Variants in SLC38A4 observed in about 807,000 individuals in gnomAD.
SLC38A4 encodes the protein sodium-coupled neutral amino acid transporter 4.
SLC38A4 carries 20 observed loss-of-function variants against 63.1 expected under a neutral mutation model. That is an observed-to-expected ratio of 0.32 (90% CI 0.22 to 0.46). The LOEUF (loss-of-function observed/expected upper bound fraction) is 0.46, where lower values mean the gene tolerates loss of function less well. Ranked by LOEUF, SLC38A4 falls within the 20% of genes least tolerant of loss-of-function variation. SLC38A4 has a pLI of 1.00. For missense variants in SLC38A4, 526 were observed against 663.6 expected (o/e 0.79, Z 2.28); for synonymous variants, 230 against 225.5 (o/e 1.02, Z -0.18).
chr12:46,784,942 C>T (rs1474804853), intron 6 of SLC38A4, among the ~76,000 whole-genome samples, 162 bp downstream of exon 6: 2 of 152,130 alleles, frequency 1.3e-5, no homozygotes, highest in East Asian at 1.9e-4. Context: ...CTGCCTCTCA[C>T]TTGCCCAAAC....
upstream of SLC38A4, among the ~76,000 whole-genome samples, chr12:46,826,582 T>A (rs12315893): frequency 0.17 from 25,680 of 152,126 alleles, 2,616 homozygotes; most frequent in East Asian, 0.34. Flanking sequence ...CCTGTGAGGT[T>A]GGAACTATTA....
In SLC38A4 at chr12:46,766,195, C is replaced by T. The variant is rs1938295393; in HGVS notation, c.*506G>A. On this transcript the variant is annotated 3_prime_UTR_variant, in exon 17 of 17. Transcript: ENST00000266579. ...TTCATGTACCTTACAGAAACAGAAA[C>T]AGTTCCTAAGACATGCCTTTTGCCT... The T allele has an allele frequency of 5.8e-6, 2 of 343,684 alleles. No homozygotes were observed. The highest frequency in any genetic ancestry group is 4.5e-5 in the South Asian group (2 of 44,030). The allele number at this position is 343,684 out of a possible 1,614,324, so 21.3% of individuals were successfully genotyped here.
upstream of SLC38A4, among the ~76,000 whole-genome samples, chr12:46,827,989 G>A (rs1310654010): frequency 5.9e-5 from 9 of 152,044 alleles, no homozygotes. Context: ...CAGAGCTAAG[G>A]GACACTTGCA....
At chr12:46,779,232 T>A (rs1009572478) in intron 10 of SLC38A4, among the ~76,000 whole-genome samples, 1 of 151,966 alleles carries the variant, frequency 6.6e-6, no homozygotes, top group African/African-American at 2.4e-5. Context: ...TGTCCTCTCT[T>A]AATGGGTGGA....
intron 1 of SLC38A4, among the ~76,000 whole-genome samples, chr12:46,818,680 G>A (rs1384251727): frequency 4.0e-5 from 6 of 151,774 alleles, no homozygotes; most frequent in African/African-American, 1.5e-4. Flanking sequence ...ATTATTTTAA[G>A]GTAAATCCCA....
chr12:46,807,041 T>C (rs1019601964), intron 1 of SLC38A4, among the ~76,000 whole-genome samples: 1 of 151,922 alleles, frequency 6.6e-6, no homozygotes, highest in Non-Finnish European at 1.5e-5. Context: ...GCAACGACAG[T>C]GGGAGAGATA....
At chr12:46,778,204 A>G (rs1450775926) in intron 12 of SLC38A4, 85 bp downstream of exon 12, 6 of 1,315,888 alleles carry the variant, frequency 4.6e-6, no homozygotes, top group Non-Finnish European at 6.6e-6. Flanking sequence ...AGGAAGCTAT[A>G]AACTGTGTTT....
intron 2 of SLC38A4, among the ~76,000 whole-genome samples, chr12:46,803,092 C>T (rs1263768583): frequency 6.6e-6 from 1 of 152,004 alleles, no homozygotes; most frequent in African/African-American, 2.4e-5. Context: ...GATAATGGTA[C>T]AGCCCAAACT....
intron 5 of SLC38A4, among the ~76,000 whole-genome samples, chr12:46,785,436 A>C (rs1592181791): frequency 6.6e-6 from 1 of 152,248 alleles, no homozygotes; most frequent in Admixed American, 6.5e-5. Flanking sequence ...TCTGGTTCAT[A>C]ACTTAGATGC....
At chr12:46,788,338 T>C (rs1337335795) in intron 4 of SLC38A4, among the ~76,000 whole-genome samples, 190 bp downstream of exon 4, 1 of 152,192 alleles carries the variant, frequency 6.6e-6, no homozygotes, top group Non-Finnish European at 1.5e-5. Flanking sequence ...CACATAAGTT[T>C]CATAAATGAT....
At chr12:46,802,776 C>A (rs1939157339) in intron 2 of SLC38A4, among the ~76,000 whole-genome samples, 1 of 151,952 alleles carries the variant, frequency 6.6e-6, no homozygotes, top group African/African-American at 2.4e-5. Flanking sequence ...CACTGAGTTA[C>A]AAAACACTCT....
At chr12:46,803,087 T>C (rs1939164316) in intron 2 of SLC38A4, among the ~76,000 whole-genome samples, 1 of 152,088 alleles carries the variant, frequency 6.6e-6, no homozygotes, top group Admixed American at 6.6e-5. Flanking sequence ...CATTTGATAA[T>C]GGTACAGCCC....
chr12:46,791,613 C>T (rs982109195), intron 3 of SLC38A4, among the ~76,000 whole-genome samples: 14 of 152,174 alleles, frequency 9.2e-5, no homozygotes, highest in African/African-American at 3.4e-4. Flanking sequence ...AAATCATGTA[C>T]AATTTGATAT....
At chr12:46,768,846 TG>T (rs1369612689) in intron 15 of SLC38A4, among the ~76,000 whole-genome samples, 1 of 152,082 alleles carries the variant, frequency 6.6e-6, no homozygotes, top group Non-Finnish European at 1.5e-5. Context: ...CATGCAGTTA[TG>T]GGGAAATACT....
intron 5 of SLC38A4, among the ~76,000 whole-genome samples, chr12:46,786,218 G>C (rs1938759305): frequency 6.6e-6 from 1 of 151,946 alleles, no homozygotes; most frequent in South Asian, 2.1e-4. Flanking sequence ...TTGTTCCCTG[G>C]AAAAATAATG....
At chr12:46,784,958 T>C (rs1272539072) in intron 6 of SLC38A4, 146 bp downstream of exon 6, 1 of 774,318 alleles carries the variant, frequency 1.3e-6, no homozygotes, top group African/African-American at 1.8e-5. Context: ...CAAACAACTA[T>C]AAACACTGAG....
Position 46,815,287 on chromosome 12 carries a change from ACACACACACACACACACACACAGAGAT to A in SLC38A4, c.-305+10589_-305+10615del. The stretch of plus-strand genomic sequence containing the variant: ...TATATATATATATATATATATATAC[ACACACACACACACACACACACAGAGAT>A]TGAGAATATGAATCATATTGAGATG... On this transcript the variant is annotated intron_variant, in intron 1 of 16. Coordinates refer to ENST00000266579, the MANE Select transcript of SLC38A4 (RefSeq NM_018018.5). Among the ~76,000 whole-genome samples the A allele has an allele frequency of 3.6e-5, 4 of 112,426 alleles. 1 individual carries two copies. The highest frequency in any genetic ancestry group is 1.5e-4 in the African/African-American group (4 of 25,866). The allele number at this position is 112,426 out of a possible 152,430, so 73.8% of individuals were successfully genotyped here.
At chr12:46,788,876 A>G (rs1438039478) in intron 3 of SLC38A4, among the ~76,000 whole-genome samples, 3 of 152,164 alleles carry the variant, frequency 2.0e-5, no homozygotes, top group Non-Finnish European at 4.4e-5. Flanking sequence ...TTTATACCAC[A>G]TTCCCTCTTT....
chr12:46,769,565 T>A, intron 14 of SLC38A4, 137 bp from the exon 15 acceptor site: 2 of 912,872 alleles, frequency 2.2e-6, no homozygotes, highest in East Asian at 5.3e-5. Context: ...TTTTTTCAAT[T>A]TTTTTATTAT....
Sources: allele counts gnomAD v4.1 joint callset (sites outside exome capture counted in the v4.1 genomes callset), GRCh38; gene constraint gnomAD v4.1.1; transcripts MANE v1.5; gene names NCBI Gene and HGNC (gene_info 2026-07-23, HGNC 2026-07-21).